DENND1A: variants seen among roughly 807,000 people sequenced by gnomAD.
The protein encoded by DENND1A is DENN domain-containing protein 1A.
A neutral mutation model predicts 113.7 loss-of-function variants in DENND1A; 51 were observed. That is an observed-to-expected ratio of 0.45 (90% CI 0.36 to 0.57). The LOEUF is 0.57. DENND1A is among the 20% of genes least tolerant of loss of function. DENND1A has a pLI of 0.00. For missense variants in DENND1A, 1,258 were observed against 1,395.9 expected, an observed-to-expected ratio of 0.90 and a Z score of 1.57; for synonymous variants, 565 against 570.8, an observed-to-expected ratio of 0.99 and a Z score of 0.14.
chr9:123,835,899 A>C (rs1386801560), intron 2 of DENND1A, among the ~76,000 whole-genome samples: 1 of 152,154 alleles, frequency 6.6e-6, no homozygotes, highest in African/African-American at 2.4e-5. Flanking sequence ...TCAGCTATGA[A>C]GCCTGGCAAA....
At chr9:123,440,796 C>T (rs1588541545) in intron 18 of DENND1A, among the ~76,000 whole-genome samples, 1 of 152,178 alleles carries the variant, frequency 6.6e-6, no homozygotes, top group African/African-American at 2.4e-5. Context: ...TTACTTTGTC[C>T]ACATGCAGAC....
rs554044472 is a variant in DENND1A, at chr9:123,394,993, C to T, written c.1632-7135G>A. Among the ~76,000 whole-genome samples, 4 of 152,334 alleles carry T rather than the reference C, an allele frequency of 2.6e-5. No individual in the cohort carries two copies. The East Asian group carries it at 7.7e-4, about 29-fold the overall frequency. On this transcript the variant is annotated intron_variant, in intron 21 of 23. Coordinates refer to ENST00000394215, the MANE Select transcript of DENND1A (RefSeq NM_001352964.2). The stretch of plus-strand genomic sequence containing the variant: ...GTCATTCCACTGGCTACAGCCGTGG[C>T]TCCCTCATGGCTGAATGCCCAGGCT...
intron 2 of DENND1A, among the ~76,000 whole-genome samples, chr9:123,842,838 A>C (rs1842022798): frequency 6.6e-6 from 1 of 152,186 alleles, no homozygotes; most frequent in African/African-American, 2.4e-5. Flanking sequence ...AAAAATACTC[A>C]ATATATTAAT....
intron 3 of DENND1A, among the ~76,000 whole-genome samples, chr9:123,773,263 G>A (rs1829997084): frequency 6.6e-6 from 1 of 152,122 alleles, no homozygotes; most frequent in African/African-American, 2.4e-5. Context: ...GAGACACCAA[G>A]CCTCAGAGTA....
chr9:123,572,021 T>C (rs2058381917), intron 12 of DENND1A, among the ~76,000 whole-genome samples: 1 of 152,254 alleles, frequency 6.6e-6, no homozygotes, highest in Non-Finnish European at 1.5e-5. Context: ...ATGATTTACA[T>C]ACCTTAAGAT....
At position 123,672,512 on chromosome 9, in the gene DENND1A, C is replaced by A. The variant is rs150190873; in HGVS notation, c.373-1141G>T. 2.9e-3 allele frequency among the ~76,000 whole-genome samples: 439 copies of A among 152,316 alleles called. 15 individuals are homozygous for A. In the East Asian group the frequency reaches 0.063, roughly 22 times the overall value. On this transcript the variant is annotated intron_variant, in intron 6 of 23. Coordinates refer to ENST00000394215, the MANE Select transcript of DENND1A (RefSeq NM_001352964.2). ...ACAAGGACATTCTCCTAAATCACCACAATTAATTATTGCTGTGGTTTAAAT... is the reference window on the plus strand; with the variant it reads ...ACAAGGACATTCTCCTAAATCACCAAAATTAATTATTGCTGTGGTTTAAAT...
chr9:123,395,156 G>A (rs1006423843), intron 21 of DENND1A, among the ~76,000 whole-genome samples: 2 of 152,194 alleles, frequency 1.3e-5, no homozygotes, highest in East Asian at 3.9e-4. Flanking sequence ...AAGCCTTTCA[G>A]GGGTGACTGA....
intron 11 of DENND1A, among the ~76,000 whole-genome samples, chr9:123,590,135 G>A (rs2059389011): frequency 6.6e-6 from 1 of 152,180 alleles, no homozygotes; most frequent in Non-Finnish European, 1.5e-5. Flanking sequence ...CTAGACCTCA[G>A]CCATGCCTGG....
At chr9:123,528,964 T>C (rs2055068982) in intron 13 of DENND1A, among the ~76,000 whole-genome samples, 1 of 152,252 alleles carries the variant, frequency 6.6e-6, no homozygotes, top group East Asian at 1.9e-4. Context: ...TCCTCTGCCC[T>C]TGACTTACTC....
rs1447333531 is a variant in DENND1A, at chr9:123,913,910, A to G, written c.17+15979T>C. 4.0e-5 allele frequency among the ~76,000 whole-genome samples: 6 copies of G among 151,764 alleles called. No individual in the cohort carries two copies. The East Asian group carries it at 1.2e-3, about 29-fold the overall frequency. ...CGAAACTCCTATCTCAAAAAAAAAA[A>G]AAAAAAATCAAAAGCCAGATATGGA... On this transcript the variant is annotated intron_variant, in intron 1 of 23. Coordinates refer to ENST00000394215, the MANE Select transcript of DENND1A (RefSeq NM_001352964.2).
intron 5 of DENND1A, among the ~76,000 whole-genome samples, chr9:123,733,073 C>G (rs1190000483): frequency 6.6e-6 from 1 of 152,048 alleles, no homozygotes; most frequent in Non-Finnish European, 1.5e-5. Flanking sequence ...CCTCTGCCTC[C>G]TGGGTTCAAG....
chr9:123,677,737 T>C (rs2064177922), intron 5 of DENND1A, among the ~76,000 whole-genome samples: 1 of 152,176 alleles, frequency 6.6e-6, no homozygotes, highest in African/African-American at 2.4e-5. Flanking sequence ...CCACGGCTCT[T>C]AGAATGGTTT....
rs924579899 is a variant in DENND1A, at chr9:123,785,827, G to A, written c.132+6760C>T. Among the ~76,000 whole-genome samples, 6 of 152,134 alleles carry A rather than the reference G, an allele frequency of 3.9e-5. No homozygotes were observed. In the East Asian group the frequency reaches 5.8e-4, roughly 15 times the overall value. On this transcript the variant is annotated intron_variant, in intron 3 of 23. Transcript: ENST00000394215. ...ATGAAAAAATTACATTTCCACCTACGTTTCCAGACTGCCAAGTTACTAAGA... is the reference window on the plus strand; with the variant it reads ...ATGAAAAAATTACATTTCCACCTACATTTCCAGACTGCCAAGTTACTAAGA...
chr9:123,801,401 T>C (rs939181531), intron 2 of DENND1A, among the ~76,000 whole-genome samples: 6 of 152,218 alleles, frequency 3.9e-5, no homozygotes. Flanking sequence ...ATGATATAAG[T>C]GGAATCACTT....
intron 10 of DENND1A, among the ~76,000 whole-genome samples, chr9:123,614,721 G>A (rs901062669): frequency 4.6e-5 from 7 of 152,166 alleles, no homozygotes; most frequent in African/African-American, 1.7e-4. Flanking sequence ...GGGCAGCCCA[G>A]GGATTTGGAA....
At chr9:123,896,866 A>G (rs1850839445) in intron 1 of DENND1A, among the ~76,000 whole-genome samples, 1 of 152,234 alleles carries the variant, frequency 6.6e-6, no homozygotes. Context: ...TAAACGCAGA[A>G]GTAAAACATT....
At chr9:123,765,445 T>G (rs978613571) in intron 4 of DENND1A, among the ~76,000 whole-genome samples, 1 of 152,184 alleles carries the variant, frequency 6.6e-6, no homozygotes, top group Non-Finnish European at 1.5e-5. Context: ...AAATGGTAAG[T>G]AGCATTTGAG....
intron 2 of DENND1A, among the ~76,000 whole-genome samples, chr9:123,842,478 AAG>A (rs773534245): frequency 6.6e-6 from 1 of 152,136 alleles, no homozygotes; most frequent in African/African-American, 2.4e-5. Flanking sequence ...AGAAAAAAAA[AAG>A]AGAGAGAGAG....
intron 3 of DENND1A, among the ~76,000 whole-genome samples, chr9:123,785,157 T>C (rs927377559): frequency 1.2e-4 from 18 of 151,868 alleles, no homozygotes; most frequent in African/African-American, 7.3e-5. Flanking sequence ...CTGGGCAACA[T>C]AGTAAGACCC....
Sources: allele counts gnomAD v4.1 joint callset (sites outside exome capture counted in the v4.1 genomes callset), GRCh38; gene constraint gnomAD v4.1.1; transcripts MANE v1.5; gene names NCBI Gene and HGNC (gene_info 2026-07-23, HGNC 2026-07-21).